TPRG1: variants seen among roughly 807,000 people sequenced by gnomAD.
The protein encoded by TPRG1 is tumor protein p63 regulated 1.
In TPRG1, 29 loss-of-function variants were observed where a neutral mutation model predicts 29.3. The ratio of observed to expected loss-of-function variants is 0.99; its 90% CI spans 0.74 to 1.35. The LOEUF is 1.35. Among genes scored for constraint, TPRG1 ranks in the 40% most tolerant of loss-of-function variants. The pLI is 0.00. For missense variants in TPRG1, 327 were observed against 335.0 expected (o/e 0.98, Z 0.19); for synonymous variants, 130 against 116.8 (o/e 1.11, Z -0.73).
chr3:189,083,540 C>T (rs531266784), intron 4 of TPRG1, among the ~76,000 whole-genome samples: 1 of 152,228 alleles, frequency 6.6e-6, no homozygotes, highest in South Asian at 2.1e-4. Context: ...TACTTTGTTG[C>T]CTTGGGCAGA....
upstream of TPRG1, among the ~76,000 whole-genome samples, chr3:189,096,504 G>C (rs1029463609): frequency 1.3e-5 from 2 of 152,186 alleles, no homozygotes; most frequent in Non-Finnish European, 2.9e-5. Flanking sequence ...GATACCAAGA[G>C]ATTGATCTTT....
At chr3:189,177,982 G>T (rs1729717524) in intron 1 of TPRG1, among the ~76,000 whole-genome samples, 1 of 152,136 alleles carries the variant, frequency 6.6e-6, no homozygotes. Flanking sequence ...TCAGGCAAAG[G>T]AGTCTTCCCA....
intron 1 of TPRG1, chr3:189,121,424 C>T (rs1007999346): frequency 1.3e-5 from 2 of 152,148 alleles, no homozygotes; most frequent in African/African-American, 4.8e-5. Context: ...CTGTACCCCT[C>T]CTTCTCTTTT....
chr3:189,320,475 A>G (rs1724191415), intron 5 of TPRG1, 151 bp from the exon 6 acceptor site: 2 of 590,888 alleles, frequency 3.4e-6, no homozygotes, highest in Non-Finnish European at 2.8e-6. Context: ...TTAACTTAAT[A>G]GAGATAAATT....
chr3:189,160,537 G>A (rs1015184201), intron 5 of TPRG1, among the ~76,000 whole-genome samples: 6 of 152,170 alleles, frequency 3.9e-5, no homozygotes, highest in Non-Finnish European at 8.8e-5. Flanking sequence ...GGAAAACAAG[G>A]AGAAAGATTA....
intron 5 of TPRG1, among the ~76,000 whole-genome samples, chr3:189,163,645 G>C (rs146420868): frequency 3.3e-4 from 51 of 152,308 alleles, no homozygotes; most frequent in African/African-American, 1.2e-3. Context: ...CGGGACTGAA[G>C]TTAAAATTAA....
rs1254358672 is a variant in TPRG1, at chr3:189,219,640, G to T, written c.302+4257G>T. 7.0e-6 allele frequency: 9 copies of T among 1,288,686 alleles called. No individual in the cohort carries two copies. The East Asian group carries it at 4.5e-4, about 64-fold the overall frequency. 79.8% of individuals were successfully genotyped at this position (1,288,686 alleles called of 1,614,324 possible). On this transcript the variant is annotated intron_variant, in intron 3 of 5. Coordinates refer to ENST00000345063, the MANE Select transcript of TPRG1 (RefSeq NM_198485.4). ...GGAATTTCAAAAAGTATGATATGAT[G>T]GCAATAAAGTGGCTCTTCAGCAGAA...
chr3:189,259,182 G>A (rs1038905205), intron 4 of TPRG1, among the ~76,000 whole-genome samples: 5 of 152,006 alleles, frequency 3.3e-5, no homozygotes, highest in Admixed American at 2.0e-4. Context: ...TGGGGAAAGC[G>A]TAGTGTCTAG....
chr3:189,062,135 G>C (rs575606542), intron 4 of TPRG1, among the ~76,000 whole-genome samples: 4 of 152,088 alleles, frequency 2.6e-5, no homozygotes, highest in Non-Finnish European at 4.4e-5. Flanking sequence ...TGTCTTTTGT[G>C]GGAACATGGA....
intron 4 of TPRG1, among the ~76,000 whole-genome samples, chr3:189,307,020 GTCT>G (rs1387030922): frequency 2.6e-5 from 4 of 152,240 alleles, no homozygotes; most frequent in East Asian, 1.9e-4. Context: ...GAAAGACCCA[GTCT>G]TCTTCTTCTT....
intron 4 of TPRG1, among the ~76,000 whole-genome samples, chr3:189,081,156 A>G (rs2152169010): frequency 6.6e-6 from 1 of 152,318 alleles, no homozygotes; most frequent in South Asian, 2.1e-4. Context: ...TGAATGGACA[A>G]ATCAAGGAAA....
At chr3:189,259,993 C>T (rs983596494) in intron 4 of TPRG1, among the ~76,000 whole-genome samples, 1 of 152,128 alleles carries the variant, frequency 6.6e-6, no homozygotes, top group Non-Finnish European at 1.5e-5. Context: ...TCCCCATATT[C>T]TCATCTGAAC....
intron 3 of TPRG1, among the ~76,000 whole-genome samples, chr3:189,011,128 T>C (rs1712575032): frequency 6.6e-6 from 1 of 152,202 alleles, no homozygotes; most frequent in Admixed American, 6.5e-5. Context: ...TCTATATGTC[T>C]GTTGTTGTCC....
intron 5 of TPRG1, among the ~76,000 whole-genome samples, chr3:189,318,005 T>A (rs1577057335): frequency 6.6e-6 from 1 of 152,156 alleles, no homozygotes; most frequent in African/African-American, 2.4e-5. Flanking sequence ...AGGGTCTCTA[T>A]GAGGATAATT....
chr3:189,312,095 T>TTTCTTTCTCTCTCTC (rs1491080754), intron 5 of TPRG1, among the ~76,000 whole-genome samples: 2 of 65,680 alleles, frequency 3.0e-5, no homozygotes, highest in Admixed American at 1.3e-4. Context: ...CTTTCTTTCT[T>TTTCTTTCTCTCTCTC]TGTTTCTTTG....
chr3:189,116,469 G>A (rs1244553372), intron 1 of TPRG1, among the ~76,000 whole-genome samples: 3 of 152,122 alleles, frequency 2.0e-5, no homozygotes, highest in Non-Finnish European at 2.9e-5. Context: ...GAGCCACCGC[G>A]CCCAGCTCGA....
At chr3:189,135,101 G>C (rs1018381693) in intron 3 of TPRG1, among the ~76,000 whole-genome samples, 7 of 152,166 alleles carry the variant, frequency 4.6e-5, no homozygotes, top group African/African-American at 7.2e-5. Flanking sequence ...TACTTCTGTC[G>C]TCAGATGCAG....
upstream of TPRG1, among the ~76,000 whole-genome samples, chr3:189,098,404 C>T (rs1718829975): frequency 6.6e-6 from 1 of 152,126 alleles, no homozygotes; most frequent in South Asian, 2.1e-4. Flanking sequence ...GGGCCACATC[C>T]AGCTTCTATC....
At chr3:189,251,679 C>G (rs548666657) in intron 4 of TPRG1, among the ~76,000 whole-genome samples, 1 of 152,194 alleles carries the variant, frequency 6.6e-6, no homozygotes, top group Non-Finnish European at 1.5e-5. Flanking sequence ...AAGTGCTGTG[C>G]TTTAGATATG....
Sources: allele counts gnomAD v4.1 joint callset (sites outside exome capture counted in the v4.1 genomes callset), GRCh38; gene constraint gnomAD v4.1.1; transcripts MANE v1.5; gene names NCBI Gene and HGNC (gene_info 2026-07-23, HGNC 2026-07-21).